VPS13C: variants seen among roughly 807,000 people sequenced by gnomAD.
The protein encoded by VPS13C is intermembrane lipid transfer protein VPS13C.
In VPS13C, 358 loss-of-function variants were observed where a neutral mutation model predicts 456.8. The ratio of observed to expected loss-of-function variants is 0.78; its 90% CI spans 0.72 to 0.86. The LOEUF is 0.86. Ranked by LOEUF, VPS13C falls within the 40% of genes least tolerant of loss-of-function variation. The pLI, the probability that VPS13C is intolerant of heterozygous loss-of-function variation, is 0.00. For missense variants in VPS13C, 4,818 were observed against 4,385.4 expected, an observed-to-expected ratio of 1.10 and a Z score of -2.79; for synonymous variants, 1,578 against 1,486.7, an observed-to-expected ratio of 1.06 and a Z score of -1.41.
chr15:62,056,150 G>T (rs536188051), intron 1 of VPS13C, among the ~76,000 whole-genome samples: 7 of 152,192 alleles, frequency 4.6e-5, no homozygotes, highest in Non-Finnish European at 8.8e-5. Flanking sequence ...AGGTATGTGA[G>T]GTGGGCGGCA....
rs142602741 is a variant in VPS13C at position 62,021,706 on chromosome 15, C to A, written c.625-1168G>T. The stretch of plus-strand genomic sequence containing the variant: ...TGGTACAGTTGAGAAGTACGAATAG[C>A]TTTATAAGTCATTTTAATTAACATC... On this transcript the variant is annotated intron_variant, in intron 8 of 84. Coordinates refer to ENST00000644861, the MANE Select transcript of VPS13C (RefSeq NM_020821.3). Among the ~76,000 whole-genome samples the A allele has an allele frequency of 2.4e-3, 359 of 151,906 alleles. 1 individual carries two copies. The highest frequency in any genetic ancestry group is 8.2e-3 in the African/African-American group (341 of 41,478).
At chr15:61,946,220 A>T in intron 44 of VPS13C, 87 bp downstream of exon 44, 2 of 1,036,952 alleles carry the variant, frequency 1.9e-6, no homozygotes, top group South Asian at 3.5e-5. Context: ...ATGACAGATA[A>T]TAAATGTATA....
In VPS13C at chr15:61,969,436, G is replaced by A; in HGVS notation, c.2774C>T (p.Thr925Ile). The A allele has an allele frequency of 1.3e-6, 2 of 1,538,910 alleles. No individual in the cohort carries two copies. The highest frequency in any genetic ancestry group is 1.8e-6 in the Non-Finnish European group (2 of 1,140,374). ...FEIKEVILEFTKQQKEEDTIL... is the reference protein window; with the variant it reads ...FEIKEVILEFIKQQKEEDTIL... ...TGTATCTTCTTCTTTCTGCTGTTTA[G>A]TAAATTCCAAAATCACCTAAAAGAA... Residue 925 changes from threonine to isoleucine, a missense_variant, in exon 28 of 85, where the codon ACT becomes ATT. Physicochemically the swap from Thr to Ile is moderately conservative, Grantham distance 89. This residue lies in a region of VPS13C where 4,552 missense variants were observed against 4,130.6 expected (regional missense o/e 1.10). Coordinates refer to ENST00000644861, the MANE Select transcript of VPS13C (RefSeq NM_020821.3).
At position 61,880,731 on chromosome 15, in the gene VPS13C, A is replaced by G; in HGVS notation, c.9889-9T>C. 1.3e-6 allele frequency: 2 copies of G among 1,557,068 alleles called. No individual in the cohort carries two copies. Among genetic ancestry groups the G allele is most frequent in the Non-Finnish European group, 1.7e-6 (2 of 1,150,950 alleles). Reference sequence around the variant, plus strand: ...TGTTGGATTAACTTTGTCTGAAAAAAATAAAATCAAGAATTTCTATTTTAA... The same window carrying G: ...TGTTGGATTAACTTTGTCTGAAAAAGATAAAATCAAGAATTTCTATTTTAA... On this transcript the variant is annotated splice_polypyrimidine_tract_variant and intron_variant, in intron 72 of 84. Coordinates refer to ENST00000644861, the MANE Select transcript of VPS13C (RefSeq NM_020821.3).
intron 9 of VPS13C, among the ~76,000 whole-genome samples, chr15:62,017,153 T>A (rs1391710588): frequency 6.6e-6 from 1 of 152,160 alleles, no homozygotes; most frequent in East Asian, 1.9e-4. Flanking sequence ...TCTTCTAAAT[T>A]TGTTTGAGTT....
chr15:61,989,031 G>A (rs1419297738), intron 18 of VPS13C, among the ~76,000 whole-genome samples: 1 of 151,694 alleles, frequency 6.6e-6, no homozygotes, highest in African/African-American at 2.4e-5. Flanking sequence ...AGCCAAAAAG[G>A]AAAAGATTAA....
Position 61,959,437 on chromosome 15 carries a change from C to T in VPS13C, c.4056+11G>A. On this transcript the variant is annotated intron_variant, in intron 36 of 84. Transcript: ENST00000644861. ...TCAACAATGAAGTTTTTTCTTCACT[C>T]ATATACTTACATTCATTGAATCAAG... is the stretch of plus-strand genomic sequence containing the variant. 6.2e-7 allele frequency: 1 copy of T among 1,602,006 alleles called. No individual in the cohort carries two copies. The highest frequency in any genetic ancestry group is 1.3e-5 in the African/African-American group (1 of 74,618).
Position 61,977,982 on chromosome 15 carries a change from A to G in VPS13C, c.2290+644T>C, listed in dbSNP as rs538697127. Among the ~76,000 whole-genome samples, 6 of 152,178 alleles carry G rather than the reference A, an allele frequency of 3.9e-5. No individual in the cohort carries two copies. In the East Asian group the frequency reaches 1.2e-3, roughly 29 times the overall value. Reference sequence around the variant, plus strand: ...ACTATAACTGTCCTTTCCTCTAATGACCTACCACAACGTGATACTATGATC... The same window carrying G: ...ACTATAACTGTCCTTTCCTCTAATGGCCTACCACAACGTGATACTATGATC... On this transcript the variant is annotated intron_variant, in intron 23 of 84. Transcript: ENST00000644861.
chr15:62,014,296 A>C (rs1282737792), intron 9 of VPS13C, among the ~76,000 whole-genome samples: 1 of 152,130 alleles, frequency 6.6e-6, no homozygotes, highest in Non-Finnish European at 1.5e-5. Context: ...TACACTATTG[A>C]ATATGGTATA....
At chr15:61,983,182 C>A (rs192493855) in intron 20 of VPS13C, among the ~76,000 whole-genome samples, 1 of 152,104 alleles carries the variant, frequency 6.6e-6, no homozygotes, top group Non-Finnish European at 1.5e-5. Context: ...GCTGTCCCCC[C>A]ACCCACACAC....
Position 61,890,166 on chromosome 15 carries a change from T to C in VPS13C, c.9340A>G (p.Ser3114Gly). ...KQEVSYIGIT[S>G]SGVVWEVKPK... ...TGTCTTATTTTCCTTCTTGCATACCTGGTTATCCCAATATAGGAAACTTCC... is the reference window on the plus strand; with the variant it reads ...TGTCTTATTTTCCTTCTTGCATACCCGGTTATCCCAATATAGGAAACTTCC... The change falls in exon 67 of 85, where the codon AGT becomes GGT. Residue 3114 changes from serine to glycine, a missense_variant and splice_region_variant. Ser to Gly is a moderately conservative substitution (Grantham distance 56). Transcript: ENST00000644861. The C allele has an allele frequency of 6.2e-7, 1 of 1,613,910 alleles. No homozygotes were observed. The highest frequency in any genetic ancestry group is 1.1e-5 in the South Asian group (1 of 91,080).
intron 37 of VPS13C, among the ~76,000 whole-genome samples, chr15:61,957,476 T>C (rs2045043499): frequency 2.0e-5 from 3 of 152,146 alleles, no homozygotes; most frequent in Admixed American, 6.6e-5. Context: ...AATAGTTTTT[T>C]AATAATGAAA....
At chr15:62,039,786 G>A (rs1331631122) in intron 3 of VPS13C, among the ~76,000 whole-genome samples, 5 of 152,080 alleles carry the variant, frequency 3.3e-5, no homozygotes, top group Non-Finnish European at 7.4e-5. Flanking sequence ...GGCCACTATG[G>A]AGAACAATTT....
chr15:61,854,754 T>C lies in VPS13C; in HGVS notation c.11160+117A>G, dbSNP rs1383769080. ...GTCCACAGCATATTAAGTTTATATA[T>C]CCATCCATAGTTATATTTGGGAGAG... On this transcript the variant is annotated intron_variant, in intron 84 of 84. Coordinates refer to ENST00000644861, the MANE Select transcript of VPS13C (RefSeq NM_020821.3). The C allele has an allele frequency of 5.7e-6, 6 of 1,051,176 alleles. No homozygotes were observed. In the East Asian group the frequency reaches 1.3e-4, roughly 22 times the overall value. The allele number at this position is 1,051,176 out of a possible 1,614,324, so 65.1% of individuals were successfully genotyped here. A position where few individuals can be genotyped will look rare whatever the true frequency, so the allele number is the denominator to read the frequency against.
chr15:62,048,673 C>T (rs1432351140), intron 1 of VPS13C, among the ~76,000 whole-genome samples: 5 of 151,924 alleles, frequency 3.3e-5, no homozygotes, highest in Non-Finnish European at 7.4e-5. Context: ...CCTGAGGAAT[C>T]GCCACACTGT....
intron 45 of VPS13C, among the ~76,000 whole-genome samples, chr15:61,942,439 C>G (rs896547380): frequency 6.6e-6 from 1 of 151,584 alleles, no homozygotes; most frequent in African/African-American, 2.4e-5. Flanking sequence ...GGGAGAAGGG[C>G]AGTACCGTAC....
intron 18 of VPS13C, among the ~76,000 whole-genome samples, chr15:61,985,537 G>A (rs981458454): frequency 3.9e-5 from 6 of 152,180 alleles, no homozygotes; most frequent in Non-Finnish European, 4.4e-5. Flanking sequence ...GATTAAAGGC[G>A]TGAGCCACCG....
intron 65 of VPS13C, 53 bp from the exon 66 acceptor site, chr15:61,907,443 C>G: frequency 1.3e-6 from 2 of 1,590,308 alleles, no homozygotes; most frequent in Non-Finnish European, 1.7e-6. Context: ...ATAAGAAACC[C>G]AAACCTGTAG....
chr15:62,041,139 A>G (rs950854117), intron 3 of VPS13C, among the ~76,000 whole-genome samples, 185 bp downstream of exon 3: 7 of 152,140 alleles, frequency 4.6e-5, no homozygotes, highest in African/African-American at 1.7e-4. Flanking sequence ...TTTTGTCATA[A>G]AAAAAAGAAG....
Sources: allele counts gnomAD v4.1 joint callset (sites outside exome capture counted in the v4.1 genomes callset), GRCh38; gene constraint gnomAD v4.1.1; regional missense constraint gnomAD v4.1.1; transcripts MANE v1.5; gene names NCBI Gene and HGNC (gene_info 2026-07-23, HGNC 2026-07-21).